Variants in COL8A1 observed in about 807,000 individuals in gnomAD.
The protein encoded by COL8A1 is collagen alpha-1(VIII) chain.
A neutral mutation model predicts 42.7 loss-of-function variants in COL8A1; 21 were observed. The ratio of observed to expected loss-of-function variants is 0.49; its 90% confidence interval spans 0.35 to 0.71. COL8A1 has a LOEUF of 0.71. Ranked by LOEUF, COL8A1 falls within the 30% of genes least tolerant of loss-of-function variation. The probability of loss-of-function intolerance (pLI) is 0.01; values close to 1 mark genes in which losing one functional copy is unlikely to be tolerated. For missense variants in COL8A1, 788 were observed against 962.4 expected (o/e 0.82, Z 2.40); for synonymous variants, 367 against 369.1 (o/e 0.99, Z 0.06).
At chr3:99,646,883 AG>A (rs1559766775) in intron 1 of COL8A1, among the ~76,000 whole-genome samples, 1 of 152,230 alleles carries the variant, frequency 6.6e-6, no homozygotes, top group African/African-American at 2.4e-5. Context: ...CATACAATAC[AG>A]GGTTTCTGAT....
intron 1 of COL8A1, chr3:99,707,007 T>A (rs926066730): frequency 2.0e-5 from 3 of 152,080 alleles, no homozygotes; most frequent in Admixed American, 1.3e-4. Flanking sequence ...CTTACAATGA[T>A]ACAAATAACA....
intron 1 of COL8A1, among the ~76,000 whole-genome samples, chr3:99,646,691 A>G (rs561919016): frequency 6.6e-6 from 1 of 152,354 alleles, no homozygotes; most frequent in East Asian, 1.9e-4. Context: ...AAGATATAGC[A>G]AGAGCATTTT....
intron 1 of COL8A1, among the ~76,000 whole-genome samples, chr3:99,684,177 T>G (rs1197290573): frequency 3.3e-5 from 5 of 152,198 alleles, no homozygotes; most frequent in Admixed American, 2.0e-4. Flanking sequence ...ATTTAGAGCA[T>G]GAATTTACAA....
chr3:99,765,213 C>T (rs1209457676), intron 2 of COL8A1, among the ~76,000 whole-genome samples: 1 of 152,092 alleles, frequency 6.6e-6, no homozygotes, highest in African/African-American at 2.4e-5. Flanking sequence ...ATTCACTATT[C>T]CCCTCTGTCT....
chr3:99,659,199 A>C (rs1938124414), intron 1 of COL8A1, among the ~76,000 whole-genome samples: 1 of 152,196 alleles, frequency 6.6e-6, no homozygotes, highest in Non-Finnish European at 1.5e-5. Flanking sequence ...GTTCACCCTG[A>C]TTCATCTATG....
At chr3:99,665,688 T>C (rs990826478) in intron 1 of COL8A1, among the ~76,000 whole-genome samples, 4 of 146,808 alleles carry the variant, frequency 2.7e-5, no homozygotes, top group African/African-American at 1.0e-4. Context: ...TTTTTTTTTT[T>C]TTTTTTTTTT....
At chr3:99,694,905 G>T (rs1311261003) in intron 1 of COL8A1, among the ~76,000 whole-genome samples, 4 of 152,116 alleles carry the variant, frequency 2.6e-5, no homozygotes, top group Non-Finnish European at 5.9e-5. Flanking sequence ...TTTACTACTG[G>T]CAGGAGTAAA....
chr3:99,666,199 C>A (rs1938364560), intron 1 of COL8A1, among the ~76,000 whole-genome samples: 1 of 152,156 alleles, frequency 6.6e-6, no homozygotes. Flanking sequence ...GTGCTCTAAT[C>A]ATCAAAATAT....
chr3:99,654,631 T>A (rs994441204), intron 1 of COL8A1, among the ~76,000 whole-genome samples: 1 of 151,992 alleles, frequency 6.6e-6, no homozygotes. Context: ...CTACAAAATG[T>A]ACAAAGACTA....
At chr3:99,660,078 T>C (rs147464122) in intron 1 of COL8A1, among the ~76,000 whole-genome samples, 1,895 of 152,282 alleles carry the variant, frequency 0.012, 25 homozygotes, top group Middle Eastern at 0.044. Flanking sequence ...TAAACTGCAG[T>C]AGAGAACCTT....
intron 1 of COL8A1, among the ~76,000 whole-genome samples, chr3:99,650,800 T>C (rs1022595296): frequency 1.8e-4 from 28 of 152,224 alleles, no homozygotes; most frequent in Admixed American, 1.3e-4. Flanking sequence ...AATAACCACA[T>C]GTGGCTAATG....
rs191227566 is a variant in COL8A1, at chr3:99,652,951, A to G, written c.-129+14287A>G. ...CTGAATAAAAAGCACTGAAGTTAGC[A>G]TAAGAAGCCCTGAGATGAAGTCCCA... On this transcript the variant is annotated intron_variant, in intron 1 of 3. Coordinates refer to ENST00000652472, the MANE Select transcript of COL8A1 (RefSeq NM_020351.4). Among the ~76,000 whole-genome samples the G allele has an allele frequency of 4.4e-4, 67 of 152,354 alleles. 1 individual carries two copies. The highest frequency in any genetic ancestry group is 1.5e-3 in the African/African-American group (64 of 41,578).
chr3:99,694,254 A>C (rs1383367856), intron 1 of COL8A1, among the ~76,000 whole-genome samples: 1 of 152,174 alleles, frequency 6.6e-6, no homozygotes, highest in Non-Finnish European at 1.5e-5. Context: ...AGACTGAGGC[A>C]GGCAGATCAT....
chr3:99,716,547 T>C (rs1452527302), intron 1 of COL8A1, among the ~76,000 whole-genome samples: 1 of 152,044 alleles, frequency 6.6e-6, no homozygotes, highest in Non-Finnish European at 1.5e-5. Context: ...ATAATAAGAA[T>C]TTCAATCAGC....
At chr3:99,683,229 T>G (rs895173317) in intron 1 of COL8A1, among the ~76,000 whole-genome samples, 2 of 152,208 alleles carry the variant, frequency 1.3e-5, no homozygotes, top group African/African-American at 4.8e-5. Context: ...CTCTATATTC[T>G]ACAAGTCAAA....
intron 2 of COL8A1, among the ~76,000 whole-genome samples, chr3:99,790,082 G>A (rs1941970633): frequency 6.6e-6 from 1 of 152,158 alleles, no homozygotes; most frequent in Non-Finnish European, 1.5e-5. Context: ...ATTATCAACT[G>A]TTTCCATTTA....
intron 1 of COL8A1, among the ~76,000 whole-genome samples, chr3:99,665,302 C>T (rs1038077795): frequency 2.0e-5 from 3 of 152,232 alleles, no homozygotes; most frequent in East Asian, 1.9e-4. Flanking sequence ...TCACCATGAT[C>T]GCTGACTTCT....
chr3:99,735,641 G>C (rs1475584625), intron 1 of COL8A1, among the ~76,000 whole-genome samples: 2 of 149,532 alleles, frequency 1.3e-5, no homozygotes, highest in East Asian at 4.0e-4. Flanking sequence ...GCCTGGCTTT[G>C]GTATCAGAAT....
At position 99,647,777 on chromosome 3, in the gene COL8A1, G is replaced by A. The variant is rs116767820; in HGVS notation, c.-129+9113G>A. ...TTTGCTTTCTCACCATCAATAGGGA[G>A]CTAATTTCTGTAGGAGGAACACACT... is the stretch of plus-strand genomic sequence containing the variant. On this transcript the variant is annotated intron_variant, in intron 1 of 3. Coordinates refer to ENST00000652472, the MANE Select transcript of COL8A1 (RefSeq NM_020351.4). Among the ~76,000 whole-genome samples, 1,373 of 152,242 alleles carry A rather than the reference G, an allele frequency of 9.0e-3. 23 individuals are homozygous for A. The highest frequency in any genetic ancestry group is 0.031 in the African/African-American group (1,287 of 41,534).
Sources: gnomAD v4.1 joint callset for allele counts (sites outside exome capture counted in the v4.1 genomes callset) on GRCh38, gnomAD v4.1.1 for gene constraint, MANE v1.5 for transcripts, NCBI Gene and HGNC (gene_info 2026-07-23, HGNC 2026-07-21) for gene names.